Variants in ROCK2 observed in about 807,000 individuals in gnomAD.
ROCK2 encodes the protein Rho associated coiled-coil containing protein kinase 2.
A neutral mutation model predicts 195.1 loss-of-function variants in ROCK2; 61 were observed. The ratio of observed to expected loss-of-function variants is 0.31; its 90% CI spans 0.25 to 0.39. The LOEUF (loss-of-function observed/expected upper bound fraction) is 0.39. ROCK2 is among the 10% of genes least tolerant of loss of function. ROCK2 has a pLI of 1.00. For missense variants in ROCK2, 1,109 were observed against 1,637.4 expected (o/e 0.68, Z 5.57); for synonymous variants, 504 against 545.5 (o/e 0.92, Z 1.06).
At chr2:11,193,593 C>T (rs2148032243) in intron 30 of ROCK2, among the ~76,000 whole-genome samples, 186 bp downstream of exon 30, 1 of 152,082 alleles carries the variant, frequency 6.6e-6, no homozygotes, top group Non-Finnish European at 1.5e-5. Context: ...GAAAACGTTC[C>T]CAAACAGAAT....
chr2:11,211,585 T>C lies in ROCK2; in HGVS notation c.2203+96A>G, dbSNP rs570348501. 5 of 1,195,944 alleles carry C rather than the reference T, an allele frequency of 4.2e-6. No individual in the cohort carries two copies. In the South Asian group the frequency reaches 8.4e-5, roughly 20 times the overall value. 74.1% of individuals were successfully genotyped at this position (1,195,944 alleles called of 1,614,324 possible). Reference sequence around the variant, plus strand: ...CCCTCCAATTCCCAATATTTGACAATGAAATATAAAAAAAAATGTTTCAAA... The same window carrying C: ...CCCTCCAATTCCCAATATTTGACAACGAAATATAAAAAAAAATGTTTCAAA... On this transcript the variant is annotated intron_variant, in intron 18 of 32. Coordinates refer to ENST00000315872, the MANE Select transcript of ROCK2 (RefSeq NM_004850.5).
At chr2:11,203,762 G>A (rs1663949744) in intron 20 of ROCK2, among the ~76,000 whole-genome samples, 1 of 152,100 alleles carries the variant, frequency 6.6e-6, no homozygotes, top group Non-Finnish European at 1.5e-5. Flanking sequence ...ATACTGTAGA[G>A]AATTCATGAT....
chr2:11,264,316 A>G (rs1311154975), intron 3 of ROCK2, among the ~76,000 whole-genome samples: 2 of 152,216 alleles, frequency 1.3e-5, no homozygotes, highest in Non-Finnish European at 2.9e-5. Flanking sequence ...AGGTGATGAC[A>G]GTAAAAGTGG....
At chr2:11,298,801 T>C (rs1423534617) in intron 1 of ROCK2, among the ~76,000 whole-genome samples, 26 of 152,160 alleles carry the variant, frequency 1.7e-4, no homozygotes, top group Non-Finnish European at 4.4e-5. Context: ...AAGTCAGCAA[T>C]TTTGAGTGAG....
At chr2:11,268,718 T>C (rs1408166387) in intron 3 of ROCK2, among the ~76,000 whole-genome samples, 2 of 152,248 alleles carry the variant, frequency 1.3e-5, no homozygotes, top group Non-Finnish European at 2.9e-5. Flanking sequence ...AAATTCTCTT[T>C]GTAATTTTCA....
At chr2:11,217,875 T>C (rs1451258914) in intron 11 of ROCK2, 1 of 152,836 alleles carries the variant, frequency 6.5e-6, no homozygotes, top group Admixed American at 6.5e-5. Context: ...AAATGTTGTC[T>C]TGTTAATATT....
chr2:11,205,283 C>T (rs1157811096), intron 20 of ROCK2, among the ~76,000 whole-genome samples: 5 of 152,140 alleles, frequency 3.3e-5, no homozygotes, highest in Non-Finnish European at 7.3e-5. Context: ...CAACTTACTC[C>T]AGGCCTTATT....
intron 3 of ROCK2, among the ~76,000 whole-genome samples, chr2:11,285,210 C>T (rs1232733371): frequency 6.7e-6 from 1 of 149,364 alleles, no homozygotes; most frequent in Non-Finnish European, 1.5e-5. Flanking sequence ...TACGGTGAGC[C>T]GAGATCGCGC....
chr2:11,334,439 AG>A (rs1462655954), intron 1 of ROCK2, among the ~76,000 whole-genome samples: 1 of 141,578 alleles, frequency 7.1e-6, no homozygotes, highest in Non-Finnish European at 1.5e-5. Flanking sequence ...TGAACCCGGG[AG>A]GCAGAGATTG....
intron 4 of ROCK2, among the ~76,000 whole-genome samples, chr2:11,236,608 C>T (rs528870218): frequency 6.6e-6 from 1 of 152,230 alleles, no homozygotes; most frequent in South Asian, 2.1e-4. Flanking sequence ...CTACTGACCC[C>T]CCAAACAGAC....
chr2:11,319,897 A>C (rs1018255958), intron 1 of ROCK2, among the ~76,000 whole-genome samples: 1 of 152,132 alleles, frequency 6.6e-6, no homozygotes, highest in Non-Finnish European at 1.5e-5. Context: ...ATTGGTTTGG[A>C]CTGATTCAGC....
chr2:11,210,432 G>C (rs1664209590), intron 18 of ROCK2, among the ~76,000 whole-genome samples: 1 of 151,552 alleles, frequency 6.6e-6, no homozygotes, highest in South Asian at 2.1e-4. Flanking sequence ...CAATGTTCCT[G>C]CATCATTGCA....
chr2:11,266,145 A>C (rs900500716), intron 3 of ROCK2, among the ~76,000 whole-genome samples: 1 of 152,212 alleles, frequency 6.6e-6, no homozygotes, highest in Non-Finnish European at 1.5e-5. Flanking sequence ...ACATGAATGG[A>C]GCTGGCATTT....
At chr2:11,238,209 A>AGTGTGTGTGTGTGTGTGTGTGT (rs6146630) in intron 4 of ROCK2, among the ~76,000 whole-genome samples, 2,424 of 135,284 alleles carry the variant, frequency 0.018, 57 homozygotes, top group African/African-American at 0.025. Context: ...ATTGAGAAAG[A>AGTGTGTGTGTGTGTGTGTGTGT]GTGTGTGTGT....
chr2:11,201,054 T>G lies in ROCK2; in HGVS notation c.2813A>C (p.Asp938Ala). ...ARSIAEEQYSDLEKEKIMKEL... is the reference protein window; with the variant it reads ...ARSIAEEQYSALEKEKIMKEL... ...TTTCATGATCTTCTCTTTTTCCAAA[T>G]CAGAATATTGTTCTTCAGCAATTGA... The change falls in exon 23 of 33, where the codon GAT (aspartate) becomes GCT (alanine). Residue 938 changes from aspartate (D) to alanine (A), a missense_variant. Coordinates refer to ENST00000315872, the MANE Select transcript of ROCK2 (RefSeq NM_004850.5). This position sits in a 1 kb window ranked among gnomAD's most constrained non-coding sequence, Gnocchi z 4.6. 3 of 1,613,662 alleles carry G rather than the reference T, an allele frequency of 1.9e-6. No individual in the cohort carries two copies. Among genetic ancestry groups the G allele is most frequent in the Non-Finnish European group, 2.5e-6 (3 of 1,179,810 alleles).
intron 1 of ROCK2, among the ~76,000 whole-genome samples, chr2:11,301,268 G>A (rs1357490529): frequency 6.6e-6 from 1 of 151,770 alleles, no homozygotes; most frequent in Non-Finnish European, 1.5e-5. Context: ...TATATTTGGA[G>A]ATATTCTCAA....
At chr2:11,322,958 T>C (rs990131364) in intron 1 of ROCK2, among the ~76,000 whole-genome samples, 6 of 152,170 alleles carry the variant, frequency 3.9e-5, no homozygotes, top group Non-Finnish European at 7.3e-5. Context: ...AACGCTCTCT[T>C]CACTTGCAGA....
At chr2:11,278,225 T>A (rs1010641415) in intron 3 of ROCK2, among the ~76,000 whole-genome samples, 7 of 152,204 alleles carry the variant, frequency 4.6e-5, no homozygotes, top group Admixed American at 1.3e-4. Context: ...TTGACAAAGA[T>A]CTCCCTAGCT....
At chr2:11,315,439 T>A (rs1023025589) in intron 1 of ROCK2, among the ~76,000 whole-genome samples, 9 of 151,880 alleles carry the variant, frequency 5.9e-5, no homozygotes, top group African/African-American at 1.7e-4. Context: ...CAGTTTAAAA[T>A]TTTTTTAATT....
Sources: allele counts gnomAD v4.1 joint callset (sites outside exome capture counted in the v4.1 genomes callset), GRCh38; gene constraint gnomAD v4.1.1; non-coding constraint Gnocchi (gnomAD v3.1); transcripts MANE v1.5; gene names NCBI Gene and HGNC (gene_info 2026-07-23, HGNC 2026-07-21).